Variants in FMN1 observed in about 807,000 individuals in gnomAD.
The protein encoded by FMN1 is formin 1, also known as formin-1.
A neutral mutation model predicts 132.4 loss-of-function variants in FMN1; 110 were observed. The ratio of observed to expected loss-of-function variants is 0.83; its 90% CI spans 0.71 to 0.97. The LOEUF (loss-of-function observed/expected upper bound fraction) is 0.97. FMN1 is among the 50% of genes least tolerant of loss of function. The pLI is 0.00. For synonymous variants in FMN1, 722 were observed against 651.7 expected (o/e 1.11, Z -1.64); for missense variants, 1,792 against 1,705.3 (o/e 1.05, Z -0.90).
chr15:33,128,374 T>G (rs1566941743), intron 4 of FMN1, among the ~76,000 whole-genome samples: 2 of 152,136 alleles, frequency 1.3e-5, no homozygotes, highest in African/African-American at 2.4e-5. Flanking sequence ...TTCACCAGCC[T>G]CTCTCCGAAC....
At position 33,077,371 on chromosome 15, in the gene FMN1, T is replaced by TATA. The variant is rs1566894784; in HGVS notation, c.2043+11427_2043+11428insTAT. Among the ~76,000 whole-genome samples, 3 of 32,708 alleles carry TATA rather than the reference T, an allele frequency of 9.2e-5. No homozygotes were observed. The East Asian group carries it at 7.9e-3, about 86-fold the overall frequency. The allele number at this position is 32,708 out of a possible 152,430, so 21.5% of individuals were successfully genotyped here. On this transcript the variant is annotated intron_variant, in intron 5 of 20. Coordinates refer to ENST00000616417, the MANE Select transcript of FMN1 (RefSeq NM_001277313.2). ...TTTTTTTTAATATATATATATATAT[T>TATA]TTTTTTATTATACTTTAAGTTCTAG...
chr15:32,874,222 T>C (rs2059587491), intron 16 of FMN1, among the ~76,000 whole-genome samples: 3 of 151,796 alleles, frequency 2.0e-5, no homozygotes, highest in African/African-American at 7.3e-5. Context: ...GGGATTTCGC[T>C]ATGTTGGTCA....
chr15:33,015,636 C>T (rs1037694260), intron 6 of FMN1, among the ~76,000 whole-genome samples: 1 of 152,018 alleles, frequency 6.6e-6, no homozygotes, highest in African/African-American at 2.4e-5. Context: ...CTGATATGTC[C>T]GGCCTGTGCC....
At chr15:33,174,719 A>G (rs1434298989) in intron 3 of FMN1, among the ~76,000 whole-genome samples, 4 of 151,940 alleles carry the variant, frequency 2.6e-5, no homozygotes, top group Non-Finnish European at 5.9e-5. Context: ...GATCATATTC[A>G]GCATATATGA....
intron 15 of FMN1, among the ~76,000 whole-genome samples, chr15:32,895,002 T>A (rs969289925): frequency 1.3e-5 from 2 of 152,200 alleles, no homozygotes; most frequent in Admixed American, 1.3e-4. Flanking sequence ...TTCCAGTGTG[T>A]GACTCTAGTA....
chr15:32,875,260 G>A (rs2059611602), intron 16 of FMN1, among the ~76,000 whole-genome samples: 1 of 152,184 alleles, frequency 6.6e-6, no homozygotes, highest in African/African-American at 2.4e-5. Context: ...AAGTAGCTGA[G>A]TCAGGATCTG....
At chr15:33,157,870 C>A (rs1050045684) in intron 3 of FMN1, among the ~76,000 whole-genome samples, 2 of 151,818 alleles carry the variant, frequency 1.3e-5, no homozygotes, top group Admixed American at 1.3e-4. Flanking sequence ...CAAGCCTGTA[C>A]TCCCAGCTGC....
At chr15:32,998,884 C>T (rs1417454579) in intron 7 of FMN1, among the ~76,000 whole-genome samples, 1 of 152,286 alleles carries the variant, frequency 6.6e-6, no homozygotes, top group South Asian at 2.1e-4. Context: ...TCTGAATTGT[C>T]TGAAGGCAAG....
intron 2 of FMN1, among the ~76,000 whole-genome samples, chr15:33,181,632 A>G (rs937534436): frequency 6.6e-6 from 1 of 152,026 alleles, no homozygotes; most frequent in Non-Finnish European, 1.5e-5. Context: ...TCTAAGTTCA[A>G]TGGAAAGTTA....
At chr15:32,972,695 T>C (rs2031887223) in intron 7 of FMN1, among the ~76,000 whole-genome samples, 1 of 152,206 alleles carries the variant, frequency 6.6e-6, no homozygotes, top group African/African-American at 2.4e-5. Context: ...GCCATTTTTT[T>C]CCTTATCACA....
intron 6 of FMN1, 70 bp downstream of exon 6, chr15:33,064,887 A>G (rs1057123884): frequency 9.6e-7 from 1 of 1,046,044 alleles, no homozygotes; most frequent in Non-Finnish European, 1.4e-6. Context: ...CTGAGAGTCA[A>G]CTAAGCTAGA....
At chr15:32,902,206 T>C (rs867282294) in intron 12 of FMN1, among the ~76,000 whole-genome samples, 166 bp from the exon 13 acceptor site, 5 of 152,224 alleles carry the variant, frequency 3.3e-5, no homozygotes, top group African/African-American at 7.2e-5. Flanking sequence ...ATGGTTTCCA[T>C]TGTTGACAAC....
At position 32,772,095 on chromosome 15, in the gene FMN1, C is replaced by T. The variant is rs2056266071; in HGVS notation, c.*2215G>A. ...CTTTGTAGAAATAGGTATTTTACTG[C>T]AAAGTTTTAGTCTGTTCACTAGGAT... On this transcript the variant is annotated 3_prime_UTR_variant, in exon 21 of 21. Coordinates refer to ENST00000616417, the MANE Select transcript of FMN1 (RefSeq NM_001277313.2). The T allele has an allele frequency of 6.6e-6, 1 of 152,176 alleles. No homozygotes were observed. Among genetic ancestry groups the T allele is most frequent in the South Asian group, 2.1e-4 (1 of 4,822 alleles). 9.4% of individuals were successfully genotyped at this position (152,176 alleles called of 1,614,324 possible).
intron 6 of FMN1, among the ~76,000 whole-genome samples, chr15:33,055,066 T>C (rs2037155120): frequency 6.6e-6 from 1 of 152,154 alleles, no homozygotes; most frequent in Admixed American, 6.5e-5. Flanking sequence ...GAAGTGGGGA[T>C]TGGACAATGC....
chr15:33,128,488 G>T (rs974391221), intron 4 of FMN1, among the ~76,000 whole-genome samples: 14 of 152,166 alleles, frequency 9.2e-5, no homozygotes, highest in Non-Finnish European at 1.6e-4. Flanking sequence ...AAAGCCTCAT[G>T]CAAGTTCTCA....
At chr15:32,900,394 T>C (rs2060266570) in intron 13 of FMN1, 4 of 587,040 alleles carry the variant, frequency 6.8e-6, no homozygotes, top group Middle Eastern at 3.6e-4. Context: ...ATATTTTCAT[T>C]TGAGCCAGTT....
At chr15:32,969,571 T>A in intron 7 of FMN1, 94 bp from the exon 8 acceptor site, 1 of 1,324,606 alleles carries the variant, frequency 7.5e-7, no homozygotes. Context: ...GGTGCCACTG[T>A]AGCATGGCCC....
chr15:33,170,413 G>A (rs1965272872), intron 3 of FMN1, among the ~76,000 whole-genome samples: 2 of 152,092 alleles, frequency 1.3e-5, no homozygotes, highest in Admixed American at 1.3e-4. Context: ...ATAGACAAAT[G>A]GGACTATGTT....
chr15:32,965,579 A>G (rs1185914107), intron 8 of FMN1, among the ~76,000 whole-genome samples: 1 of 152,212 alleles, frequency 6.6e-6, no homozygotes, highest in East Asian at 1.9e-4. Flanking sequence ...AATGGTCCAC[A>G]GAATTTTGTA....
Sources: gnomAD v4.1 joint callset for allele counts (sites outside exome capture counted in the v4.1 genomes callset) on GRCh38, gnomAD v4.1.1 for gene constraint, MANE v1.5 for transcripts, NCBI Gene and HGNC (gene_info 2026-07-23, HGNC 2026-07-21) for gene names.